The following LRRTM4 variants were observed in gnomAD, a reference collection of about 807,000 sequenced individuals.
The protein encoded by LRRTM4 is leucine-rich repeat transmembrane neuronal protein 4.
LRRTM4 carries 25 observed loss-of-function variants against 47.6 expected under a neutral mutation model. The observed-to-expected ratio is 0.53, with a 90% confidence interval of 0.38 to 0.73. LRRTM4 has a LOEUF of 0.73. Among genes scored for constraint, LRRTM4 ranks in the 30% least tolerant of loss-of-function variants. The pLI is 0.00. For synonymous variants in LRRTM4, 311 were observed against 269.5 expected, an observed-to-expected ratio of 1.15 and a Z score of -1.51; for missense variants, 638 against 713.4, an observed-to-expected ratio of 0.89 and a Z score of 1.20.
intron 3 of LRRTM4, among the ~76,000 whole-genome samples, chr2:77,382,986 C>T (rs372761101): frequency 6.6e-6 from 1 of 151,924 alleles, no homozygotes; most frequent in Non-Finnish European, 1.5e-5. Context: ...GAGCTGCTGG[C>T]GTTTTCCATT....
chr2:77,386,581 T>C (rs1673284133), intron 3 of LRRTM4, among the ~76,000 whole-genome samples: 2 of 152,194 alleles, frequency 1.3e-5, no homozygotes, highest in South Asian at 2.1e-4. Flanking sequence ...TACATGTGCA[T>C]GTGTCTTTAT....
At chr2:77,087,629 T>C (rs1680765573) in intron 3 of LRRTM4, among the ~76,000 whole-genome samples, 1 of 152,104 alleles carries the variant, frequency 6.6e-6, no homozygotes, top group Admixed American at 6.5e-5. Flanking sequence ...GTGAGAATTA[T>C]CAGGAACAAT....
In LRRTM4 at chr2:77,519,371, A is replaced by G; in HGVS notation, c.498T>C (p.Ser166=). 6.2e-7 allele frequency: 1 copy of G among 1,613,424 alleles called. No individual in the cohort carries two copies. Among genetic ancestry groups the G allele is most frequent in the Non-Finnish European group, 8.5e-7 (1 of 1,179,600 alleles). The change falls in exon 3 of 4, where the codon TCT becomes TCC. Residue 166 remains serine (S), a synonymous_variant. Coordinates refer to ENST00000409884, the MANE Select transcript of LRRTM4 (RefSeq NM_001134745.3). The surrounding 1 kb of genome is among the most constrained non-coding windows in gnomAD (Gnocchi z 4.6). ...TTATGGGCACAGTCTTTAGTGAGTT[A>G]GATCTCAAGTGCAAAATGATGAGTT... ...LRKLIILHLR[S]NSLKTVPIRV...
chr2:76,835,090 T>C (rs781439111), intron 3 of LRRTM4, among the ~76,000 whole-genome samples: 1 of 152,110 alleles, frequency 6.6e-6, no homozygotes, highest in Non-Finnish European at 1.5e-5. Flanking sequence ...GTTTCTAATT[T>C]ATTCTTTGTG....
chr2:76,781,296 T>C (rs59740353), intron 3 of LRRTM4, among the ~76,000 whole-genome samples: 11 of 143,282 alleles, frequency 7.7e-5, no homozygotes, highest in East Asian at 4.5e-4. Context: ...TCGAGCTTCC[T>C]GGCTGCTTTG....
At chr2:77,027,832 C>G (rs1452147210) in intron 3 of LRRTM4, among the ~76,000 whole-genome samples, 1 of 151,972 alleles carries the variant, frequency 6.6e-6, no homozygotes, top group Non-Finnish European at 1.5e-5. Flanking sequence ...TTGATTTTAA[C>G]ATATTATATA....
At chr2:77,209,996 T>G (rs1674246941) in intron 3 of LRRTM4, among the ~76,000 whole-genome samples, 1 of 152,198 alleles carries the variant, frequency 6.6e-6, no homozygotes, top group Non-Finnish European at 1.5e-5. Context: ...TAAAGCTCTC[T>G]GCCTAGATTT....
At chr2:76,918,406 G>T (rs573586583) in intron 3 of LRRTM4, among the ~76,000 whole-genome samples, 2 of 152,254 alleles carry the variant, frequency 1.3e-5, no homozygotes, top group African/African-American at 4.8e-5. Flanking sequence ...ATGTACAGCT[G>T]TGTATCCACT....
At chr2:76,913,796 C>T (rs1573305488) in intron 3 of LRRTM4, among the ~76,000 whole-genome samples, 1 of 151,966 alleles carries the variant, frequency 6.6e-6, no homozygotes, top group South Asian at 2.1e-4. Context: ...ATCTTGGCCT[C>T]CCAAAGTGCT....
At chr2:77,346,309 G>A (rs926085637) in intron 3 of LRRTM4, among the ~76,000 whole-genome samples, 1 of 152,152 alleles carries the variant, frequency 6.6e-6, no homozygotes, top group South Asian at 2.1e-4. Flanking sequence ...AATAAAAAAG[G>A]GGAAAATTCA....
chr2:77,337,501 C>A (rs1021522193), intron 3 of LRRTM4, among the ~76,000 whole-genome samples: 1 of 152,088 alleles, frequency 6.6e-6, no homozygotes, highest in Non-Finnish European at 1.5e-5. Context: ...TAGGAAATGA[C>A]TGGATCATGC....
chr2:77,415,222 A>T (rs1450784148), intron 3 of LRRTM4, among the ~76,000 whole-genome samples: 4 of 152,174 alleles, frequency 2.6e-5, no homozygotes, highest in African/African-American at 9.7e-5. Context: ...ACTTCTACAT[A>T]CAATTCTGAT....
At chr2:77,342,616 A>G (rs899576586) in intron 3 of LRRTM4, among the ~76,000 whole-genome samples, 1 of 151,974 alleles carries the variant, frequency 6.6e-6, no homozygotes, top group African/African-American at 2.4e-5. Context: ...TTGGAGAATA[A>G]AGTTATTTTT....
chr2:76,916,227 T>C (rs539977274), intron 3 of LRRTM4, among the ~76,000 whole-genome samples: 4 of 150,888 alleles, frequency 2.7e-5, no homozygotes, highest in African/African-American at 9.7e-5. Context: ...ATATGTATGG[T>C]CCAAAAAATT....
chr2:77,001,508 G>A (rs1166016031), intron 3 of LRRTM4, among the ~76,000 whole-genome samples: 1 of 152,136 alleles, frequency 6.6e-6, no homozygotes, highest in African/African-American at 2.4e-5. Flanking sequence ...TTCTCTGCAT[G>A]AGAATTTCTC....
rs189897734 is a variant in LRRTM4, at chr2:77,238,525, C to A, written c.1551+279793G>T. Among the ~76,000 whole-genome samples the A allele has an allele frequency of 2.1e-3, 317 of 149,852 alleles. 2 individuals carry two copies. Among genetic ancestry groups the A allele is most frequent in the African/African-American group, 7.5e-3 (298 of 39,834 alleles). ...CTACCCATGTTGCCTTGCCCTCTTT[C>A]CTCAAACCACACTAGCAGGCACAAA... On this transcript the variant is annotated intron_variant, in intron 3 of 3. Coordinates refer to ENST00000409884, the MANE Select transcript of LRRTM4 (RefSeq NM_001134745.3).
intron 3 of LRRTM4, among the ~76,000 whole-genome samples, chr2:76,982,228 TACAGAA>T (rs1464418119): frequency 6.6e-6 from 1 of 151,988 alleles, no homozygotes; most frequent in African/African-American, 2.4e-5. Context: ...TGCATTTGAA[TACAGAA>T]AAAGTAAGAA....
intron 3 of LRRTM4, among the ~76,000 whole-genome samples, chr2:77,485,882 C>A (rs1429229561): frequency 2.7e-5 from 4 of 150,648 alleles, no homozygotes; most frequent in African/African-American, 9.8e-5. Context: ...AGGCATGCAC[C>A]ACCACAGTCG....
chr2:76,792,860 G>C (rs1044437885), intron 3 of LRRTM4, among the ~76,000 whole-genome samples: 2 of 152,158 alleles, frequency 1.3e-5, no homozygotes, highest in Non-Finnish European at 2.9e-5. Context: ...ACTGGAGCGA[G>C]ATCACTCTTG....
Sources: gnomAD v4.1 joint callset for allele counts (sites outside exome capture counted in the v4.1 genomes callset) on GRCh38, gnomAD v4.1.1 for gene constraint, Gnocchi (gnomAD v3.1) non-coding constraint, MANE v1.5 for transcripts, NCBI Gene and HGNC (gene_info 2026-07-23, HGNC 2026-07-21) for gene names.